Variants in SYTL3 observed in about 807,000 individuals in gnomAD.
SYTL3 encodes the protein synaptotagmin like 3.
A neutral mutation model predicts 82.1 loss-of-function variants in SYTL3; 88 were observed. That is an observed-to-expected ratio of 1.07 (90% CI 0.90 to 1.28). The LOEUF (loss-of-function observed/expected upper bound fraction) is 1.28, where lower values mean the gene tolerates loss of function less well. Among genes scored for constraint, SYTL3 ranks in the 50% most tolerant of loss-of-function variants. SYTL3 has a pLI of 0.00. For synonymous variants in SYTL3, 311 were observed against 289.4 expected (o/e 1.07, Z -0.76); for missense variants, 831 against 757.6 (o/e 1.10, Z -1.14).
upstream of SYTL3, among the ~76,000 whole-genome samples, chr6:158,646,649 G>C (rs1437230645): frequency 6.6e-6 from 1 of 152,212 alleles, no homozygotes; most frequent in Non-Finnish European, 1.5e-5. Context: ...TGTTCGGCCT[G>C]AGCGAGGAGA....
chr6:158,682,139 A>G (rs1167139339), intron 5 of SYTL3, among the ~76,000 whole-genome samples: 1 of 151,476 alleles, frequency 6.6e-6, no homozygotes, highest in Non-Finnish European at 1.5e-5. Flanking sequence ...GGGTTTTGCC[A>G]TGTTGGCCAG....
At chr6:158,709,065 T>C (rs552947108) in intron 8 of SYTL3, among the ~76,000 whole-genome samples, 1 of 152,274 alleles carries the variant, frequency 6.6e-6, no homozygotes, top group African/African-American at 2.4e-5. Flanking sequence ...AAACCCTGTC[T>C]CTACTAAAAA....
chr6:158,646,912 G>A (rs936206947), upstream of SYTL3, among the ~76,000 whole-genome samples: 4 of 152,134 alleles, frequency 2.6e-5, no homozygotes, highest in Non-Finnish European at 5.9e-5. Context: ...GCCCCACCAC[G>A]ATCCTGAGCC....
At chr6:158,686,879 GCCCTGGTCT>G (rs770255997) in intron 6 of SYTL3, among the ~76,000 whole-genome samples, 11 of 152,096 alleles carry the variant, frequency 7.2e-5, no homozygotes, top group Non-Finnish European at 1.2e-4. Flanking sequence ...CCTCCTCCTG[GCCCTGGTCT>G]CCCTCTGGAA....
intron 13 of SYTL3, among the ~76,000 whole-genome samples, chr6:158,753,077 C>CTTTTTTTTTT (rs34396644): frequency 1.0e-5 from 1 of 99,112 alleles, no homozygotes; most frequent in Non-Finnish European, 2.0e-5. Context: ...TTCTTCTTTT[C>CTTTTTTTTTT]TTTTTTTTTT....
chr6:158,742,912 G>C (rs17513241), intron 11 of SYTL3, among the ~76,000 whole-genome samples: 27,792 of 151,890 alleles, frequency 0.18, 2,825 homozygotes, highest in Middle Eastern at 0.24. Context: ...TAAGCTTCTC[G>C]GCCCCTCAGC....
chr6:158,662,360 A>G (rs1789475201), intron 3 of SYTL3, among the ~76,000 whole-genome samples: 1 of 152,256 alleles, frequency 6.6e-6, no homozygotes, highest in Non-Finnish European at 1.5e-5. Context: ...TAAATAATTG[A>G]TAGGCTGAGC....
At chr6:158,652,841 G>C (rs932163044) in intron 2 of SYTL3, among the ~76,000 whole-genome samples, 1 of 152,042 alleles carries the variant, frequency 6.6e-6, no homozygotes, top group Non-Finnish European at 1.5e-5. Flanking sequence ...GCACCCAGCC[G>C]AGTCTTCTAA....
intron 15 of SYTL3, 59 bp downstream of exon 15, chr6:158,760,804 T>TG (rs1337480375): frequency 7.1e-7 from 1 of 1,399,686 alleles, no homozygotes; most frequent in Non-Finnish European, 1.0e-6. Context: ...AGCCTGGTGC[T>TG]GCAGGCAGAC....
chr6:158,648,459 T>C (rs571228570), upstream of SYTL3, among the ~76,000 whole-genome samples: 132 of 151,418 alleles, frequency 8.7e-4, no homozygotes, highest in African/African-American at 2.5e-3. Flanking sequence ...GGTGCGGTGG[T>C]GGGCGCCTGT....
intron 10 of SYTL3, among the ~76,000 whole-genome samples, chr6:158,723,783 C>G (rs1784398689): frequency 6.6e-6 from 1 of 152,108 alleles, no homozygotes; most frequent in South Asian, 2.1e-4. Flanking sequence ...ATTCTTGAAC[C>G]CCTCCCATTG....
chr6:158,723,870 C>T (rs903246539), intron 10 of SYTL3, among the ~76,000 whole-genome samples: 1 of 152,218 alleles, frequency 6.6e-6, no homozygotes, highest in Non-Finnish European at 1.5e-5. Flanking sequence ...TTAGTGTCCC[C>T]TCAGACAACA....
At chr6:158,764,313 CCA>C (rs1249803292) in intron 17 of SYTL3, among the ~76,000 whole-genome samples, 180 bp from the exon 18 acceptor site, 3 of 152,178 alleles carry the variant, frequency 2.0e-5, no homozygotes, top group Admixed American at 6.5e-5. Flanking sequence ...TGCGTGAATC[CCA>C]GTCTCAACAC....
chr6:158,674,821 A>G (rs562624673), intron 5 of SYTL3, among the ~76,000 whole-genome samples: 1 of 152,126 alleles, frequency 6.6e-6, no homozygotes, highest in Non-Finnish European at 1.5e-5. Context: ...TGACCTGCGC[A>G]GTGTTTAATA....
chr6:158,648,486 G>A (rs538509920), upstream of SYTL3, among the ~76,000 whole-genome samples: 1 of 151,846 alleles, frequency 6.6e-6, no homozygotes, highest in South Asian at 2.1e-4. Context: ...AGCTACTCGG[G>A]AGGCTGAGGC....
chr6:158,645,808 G>A (rs375587353), upstream of SYTL3, among the ~76,000 whole-genome samples: 16 of 152,174 alleles, frequency 1.1e-4, no homozygotes, highest in African/African-American at 3.6e-4. Context: ...TAGTTACTAA[G>A]TTGTCAGACT....
In SYTL3 at chr6:158,686,090, G is replaced by A. The variant is rs556798328; in HGVS notation, c.394+3101G>A. Among the ~76,000 whole-genome samples the A allele has an allele frequency of 5.9e-5, 9 of 152,296 alleles. No homozygotes were observed. The East Asian group carries it at 1.4e-3, about 23-fold the overall frequency. On this transcript the variant is annotated intron_variant, in intron 6 of 17. Transcript: ENST00000611299. ...TATGTGTGTGTGTTTGTGCACACAC[G>A]TTACCATCTTGTCATCTTTTCAGCA...
intron 6 of SYTL3, among the ~76,000 whole-genome samples, chr6:158,701,610 CTGTT>C (rs1781309729): frequency 6.6e-6 from 1 of 150,384 alleles, no homozygotes; most frequent in South Asian, 2.1e-4. Context: ...CTGGGAGGCT[CTGTT>C]TGACTGGGGC....
chr6:158,761,301 C>CTTT (rs11463987), intron 15 of SYTL3, among the ~76,000 whole-genome samples: 8 of 93,886 alleles, frequency 8.5e-5, no homozygotes, highest in Admixed American at 2.2e-4. Context: ...ATGCACATTT[C>CTTT]TTTTTTTTTT....
Sources: allele counts gnomAD v4.1 joint callset (sites outside exome capture counted in the v4.1 genomes callset), GRCh38; gene constraint gnomAD v4.1.1; transcripts MANE v1.5; gene names NCBI Gene and HGNC (gene_info 2026-07-23, HGNC 2026-07-21).